The following PDE10A variants were observed in gnomAD, a reference collection of about 807,000 sequenced individuals.
PDE10A encodes phosphodiesterase 10A.
Under a neutral mutation model 97.7 loss-of-function variants are expected in PDE10A, and 39 were observed. That is an observed-to-expected ratio of 0.40 (90% CI 0.31 to 0.52). The LOEUF (loss-of-function observed/expected upper bound fraction) is 0.52, where lower values mean the gene tolerates loss of function less well. Ranked by LOEUF, PDE10A falls within the 20% of genes least tolerant of loss-of-function variation. The probability of loss-of-function intolerance (pLI) is 0.56; values close to 1 mark genes in which losing one functional copy is unlikely to be tolerated. For synonymous variants in PDE10A, 371 were observed against 376.8 expected, an observed-to-expected ratio of 0.98 and a Z score of 0.18; for missense variants, 731 against 1,047.8, an observed-to-expected ratio of 0.70 and a Z score of 4.17.
At chr6:165,770,665 C>T (rs1777980398) in intron 1 of PDE10A, among the ~76,000 whole-genome samples, 1 of 152,196 alleles carries the variant, frequency 6.6e-6, no homozygotes, top group Admixed American at 6.5e-5. Context: ...CTCCCTCCTC[C>T]CGGGAGAGTC....
At chr6:165,964,674 G>T (rs1248535003) in intron 1 of PDE10A, among the ~76,000 whole-genome samples, 4 of 152,192 alleles carry the variant, frequency 2.6e-5, no homozygotes, top group South Asian at 4.1e-4. Context: ...CTGTTATCCA[G>T]CAGTGCCCAA....
chr6:165,489,688 T>C lies in PDE10A; in HGVS notation c.995-7345A>G, dbSNP rs1434695609. ...AAAGGTGAAATCCAACTTAAAGAAA[T>C]CAAAAAAAATGACACAGGATATCAA... On this transcript the variant is annotated intron_variant, in intron 2 of 21. Transcript: ENST00000539869. 3.3e-5 allele frequency among the ~76,000 whole-genome samples: 5 copies of C among 151,186 alleles called. No homozygotes were observed. The South Asian group carries it at 6.2e-4, about 19-fold the overall frequency.
chr6:165,575,874 G>A (rs1415677418), intron 1 of PDE10A, among the ~76,000 whole-genome samples: 2 of 151,856 alleles, frequency 1.3e-5, no homozygotes, highest in Non-Finnish European at 2.9e-5. Flanking sequence ...ATCAGATATT[G>A]TTACTGGAGA....
At chr6:165,943,625 G>T (rs1562810379) in intron 1 of PDE10A, among the ~76,000 whole-genome samples, 1 of 152,208 alleles carries the variant, frequency 6.6e-6, no homozygotes, top group Non-Finnish European at 1.5e-5. Flanking sequence ...ATCATACAAA[G>T]ATAATTCACT....
intron 1 of PDE10A, among the ~76,000 whole-genome samples, chr6:165,767,182 G>A (rs530713011): frequency 6.6e-6 from 1 of 152,258 alleles, no homozygotes; most frequent in African/African-American, 2.4e-5. Flanking sequence ...ACTGGGTCAG[G>A]TGGCACCGAA....
intron 1 of PDE10A, among the ~76,000 whole-genome samples, chr6:165,739,684 C>T (rs1792671478): frequency 6.6e-6 from 1 of 151,960 alleles, no homozygotes; most frequent in Non-Finnish European, 1.5e-5. Flanking sequence ...GCAAAGGAAG[C>T]AACCTATGGA....
At chr6:165,511,377 G>A (rs1472285603) in intron 2 of PDE10A, among the ~76,000 whole-genome samples, 1 of 151,936 alleles carries the variant, frequency 6.6e-6, no homozygotes, top group Non-Finnish European at 1.5e-5. Context: ...ATTGTAGTCT[G>A]AGAAGATACT....
At chr6:165,848,615 G>C (rs1229297548) in intron 1 of PDE10A, among the ~76,000 whole-genome samples, 1 of 152,154 alleles carries the variant, frequency 6.6e-6, no homozygotes, top group African/African-American at 2.4e-5. Flanking sequence ...GGGGAGGGTG[G>C]TGATGCTCCA....
At chr6:165,526,087 G>A (rs754978555) in intron 2 of PDE10A, among the ~76,000 whole-genome samples, 8 of 152,112 alleles carry the variant, frequency 5.3e-5, no homozygotes, top group South Asian at 2.1e-4. Flanking sequence ...CAGTTTATGC[G>A]GTGAATCTTT....
intron 18 of PDE10A, among the ~76,000 whole-genome samples, chr6:165,355,833 T>C (rs1171283363): frequency 1.3e-5 from 2 of 152,172 alleles, no homozygotes; most frequent in African/African-American, 2.4e-5. Flanking sequence ...TTCTATACTC[T>C]TACCAGCAAT....
intron 1 of PDE10A, among the ~76,000 whole-genome samples, chr6:165,776,758 T>C (rs1778197001): frequency 6.6e-6 from 1 of 152,098 alleles, no homozygotes; most frequent in Admixed American, 6.5e-5. Flanking sequence ...CCTTGACCCT[T>C]GAGAAGCTCA....
At chr6:165,936,151 A>T (rs1783318510) in intron 1 of PDE10A, among the ~76,000 whole-genome samples, 1 of 152,204 alleles carries the variant, frequency 6.6e-6, no homozygotes, top group Non-Finnish European at 1.5e-5. Context: ...AATCAGAAAG[A>T]GGAGGTAACA....
At chr6:165,537,137 G>A (rs1031420689) in intron 2 of PDE10A, among the ~76,000 whole-genome samples, 1 of 151,932 alleles carries the variant, frequency 6.6e-6, no homozygotes, top group Non-Finnish European at 1.5e-5. Context: ...ATCATTTGCA[G>A]CAACATGGAT....
chr6:165,952,739 G>A (rs747273787), intron 1 of PDE10A, among the ~76,000 whole-genome samples: 6 of 152,018 alleles, frequency 3.9e-5, no homozygotes, highest in African/African-American at 7.3e-5. Flanking sequence ...AGAATCCTCC[G>A]CATCCTCCAG....
chr6:165,875,764 T>TGTG (rs1781326528), intron 1 of PDE10A, among the ~76,000 whole-genome samples: 1 of 149,548 alleles, frequency 6.7e-6, no homozygotes, highest in Non-Finnish European at 1.5e-5. Context: ...GTGTGTGTGT[T>TGTG]TGTTTTAACA....
intron 1 of PDE10A, among the ~76,000 whole-genome samples, chr6:165,556,392 T>C (rs1784256756): frequency 6.6e-6 from 1 of 152,172 alleles, no homozygotes; most frequent in Non-Finnish European, 1.5e-5. Context: ...TACAAGGAAG[T>C]CCAAGGCTTC....
At chr6:165,860,133 C>T (rs572169729) in intron 1 of PDE10A, among the ~76,000 whole-genome samples, 262 of 152,218 alleles carry the variant, frequency 1.7e-3, no homozygotes, top group Admixed American at 4.4e-3. Flanking sequence ...TTGGGGACCA[C>T]TTTAAACAGT....
chr6:165,882,781 C>T (rs544947798), intron 1 of PDE10A, among the ~76,000 whole-genome samples: 1 of 151,428 alleles, frequency 6.6e-6, no homozygotes, highest in Non-Finnish European at 1.5e-5. Context: ...AAAAAAGCCT[C>T]CCTCCTGGCA....
At chr6:165,554,041 G>A (rs1051448481) in intron 1 of PDE10A, among the ~76,000 whole-genome samples, 2 of 151,960 alleles carry the variant, frequency 1.3e-5, no homozygotes, top group Non-Finnish European at 1.5e-5. Flanking sequence ...AACTCGGTGG[G>A]GGACTGGGGG....
Sources: allele counts gnomAD v4.1 joint callset (sites outside exome capture counted in the v4.1 genomes callset), GRCh38; gene constraint gnomAD v4.1.1; transcripts MANE v1.5; gene names NCBI Gene and HGNC (gene_info 2026-07-23, HGNC 2026-07-21).